The following ZNF710 variants were observed in gnomAD, a reference collection of about 807,000 sequenced individuals.
ZNF710 encodes the protein zinc finger protein 710.
Under a neutral mutation model 50.6 loss-of-function variants are expected in ZNF710, and 13 were observed. The ratio of observed to expected loss-of-function variants is 0.26; its 90% CI spans 0.17 to 0.41. The LOEUF (loss-of-function observed/expected upper bound fraction) is 0.41, where lower values mean the gene tolerates loss of function less well. Among genes scored for constraint, ZNF710 ranks in the 10% least tolerant of loss-of-function variants. ZNF710 has a pLI of 1.00. For missense variants in ZNF710, 721 were observed against 936.6 expected, an observed-to-expected ratio of 0.77 and a Z score of 3.01; for synonymous variants, 383 against 397.0, an observed-to-expected ratio of 0.96 and a Z score of 0.42.
chr15:90,079,635 G>T (rs756228334), intron 4 of ZNF710, 25 bp from the exon 5 acceptor site: 1 of 1,606,248 alleles, frequency 6.2e-7, no homozygotes, highest in Non-Finnish European at 8.5e-7. Flanking sequence ...TGGCAGCCAG[G>T]TCTGACTGTG....
At chr15:90,035,846 T>A (rs1259144762) in intron 1 of ZNF710, among the ~76,000 whole-genome samples, 3 of 152,100 alleles carry the variant, frequency 2.0e-5, no homozygotes, top group Non-Finnish European at 2.9e-5. Flanking sequence ...TGTTTAAAAG[T>A]CAGTAAAATT....
In ZNF710 at chr15:90,067,364, TGGAGGAGCCGGC is replaced by T. The variant is rs748074452; in HGVS notation, c.235_246del (p.Pro79_Glu82del). ...CAGCTGGCCTGCAACGGGAGGGCCT[TGGAGGAGCCGGC>T]GGAGGAGGAGGTGCTGGAGGTGGAG... On this transcript the variant is annotated inframe_deletion, in exon 2 of 5. Transcript: ENST00000268154. This position sits in a 1 kb window ranked among gnomAD's most constrained non-coding sequence, Gnocchi z 8.1. 6.9e-6 allele frequency: 11 copies of T among 1,598,348 alleles called. No individual in the cohort carries two copies. In the South Asian group the frequency reaches 1.1e-4, roughly 16 times the overall value.
chr15:89,998,583 C>G (rs1483522128), upstream of ZNF710, among the ~76,000 whole-genome samples: 2 of 152,198 alleles, frequency 1.3e-5, no homozygotes, highest in Non-Finnish European at 2.9e-5. Context: ...GGTTTCAACC[C>G]TGAACGTAAT....
chr15:90,015,730 G>C (rs1006555544), intron 1 of ZNF710, among the ~76,000 whole-genome samples: 3 of 151,884 alleles, frequency 2.0e-5, no homozygotes, highest in African/African-American at 7.3e-5. Context: ...CAAGTATCTG[G>C]GAACACAGGC....
At chr15:90,036,534 A>C (rs1252094294) in intron 1 of ZNF710, among the ~76,000 whole-genome samples, 7 of 151,402 alleles carry the variant, frequency 4.6e-5, no homozygotes. Flanking sequence ...AGCATTCATC[A>C]CTCACCACCT....
rs529117806 is a variant in ZNF710, at chr15:90,057,568, G to A, written c.-28-9542G>A. 7.9e-4 allele frequency among the ~76,000 whole-genome samples: 120 copies of A among 152,006 alleles called. 1 individual carries two copies. The highest frequency in any genetic ancestry group is 2.6e-3 in the African/African-American group (106 of 41,450). On this transcript the variant is annotated intron_variant, in intron 1 of 4. Coordinates refer to ENST00000268154, the MANE Select transcript of ZNF710 (RefSeq NM_198526.4). ...AAAAATGAGCCAGGCGTGGTGGCGC[G>A]CTCCTGTAGTCCCAGCTACTCGGGT...
chr15:90,021,864 T>A (rs1898633141), intron 1 of ZNF710, among the ~76,000 whole-genome samples: 3 of 152,042 alleles, frequency 2.0e-5, no homozygotes, highest in Admixed American at 1.3e-4. Flanking sequence ...GGCAGGCGGA[T>A]CACCTGAGGT....
At chr15:90,001,997 G>GAGAGAGAGAGAGAGAGAGAGA (rs1898025235) in intron 1 of ZNF710, among the ~76,000 whole-genome samples, 1 of 145,868 alleles carries the variant, frequency 6.9e-6, no homozygotes, top group African/African-American at 2.6e-5. Context: ...GAGAGAGAGA[G>GAGAGAGAGAGAGAGAGAGAGA]GCAAAAATGA....
At chr15:90,044,270 T>C (rs1899390358) in intron 1 of ZNF710, among the ~76,000 whole-genome samples, 1 of 152,218 alleles carries the variant, frequency 6.6e-6, no homozygotes, top group Non-Finnish European at 1.5e-5. Flanking sequence ...CTTGGCATCC[T>C]TCCCTTCTGC....
intron 1 of ZNF710, among the ~76,000 whole-genome samples, chr15:90,053,348 C>CTTTTTTT (rs111542346): frequency 6.9e-6 from 1 of 144,664 alleles, no homozygotes; most frequent in African/African-American, 2.6e-5. Context: ...CAGTGAATTC[C>CTTTTTTT]TTTTTTTTTT....
chr15:90,074,316 G>C, intron 4 of ZNF710, 26 bp downstream of exon 4: 1 of 1,609,250 alleles, frequency 6.2e-7, no homozygotes, highest in Non-Finnish European at 8.5e-7. Context: ...GCAATGGACA[G>C]AGCAGGAATG....
At chr15:90,030,098 G>C (rs1898888159) in intron 1 of ZNF710, among the ~76,000 whole-genome samples, 1 of 151,398 alleles carries the variant, frequency 6.6e-6, no homozygotes, top group African/African-American at 2.4e-5. Context: ...GGGAGGCTGA[G>C]GCGGATGGAT....
intron 1 of ZNF710, among the ~76,000 whole-genome samples, chr15:90,002,329 C>A (rs1898033886): frequency 7.4e-6 from 1 of 134,386 alleles, no homozygotes; most frequent in South Asian, 2.6e-4. Flanking sequence ...GCCGGGACAG[C>A]GTCGGGGCGC....
intron 1 of ZNF710, among the ~76,000 whole-genome samples, chr15:90,016,675 A>G (rs1264746925): frequency 1.3e-5 from 2 of 151,954 alleles, no homozygotes; most frequent in East Asian, 1.9e-4. Context: ...TGATTCTTCC[A>G]CCTTGGCTTC....
chr15:90,038,740 T>TGTGTGTGTGTGAGA (rs150950322), intron 1 of ZNF710, among the ~76,000 whole-genome samples: 68 of 148,642 alleles, frequency 4.6e-4, no homozygotes, highest in African/African-American at 1.4e-3. Context: ...TGTGTGTGTG[T>TGTGTGTGTGTGAGA]GAGACATTGG....
chr15:90,029,362 C>A (rs774676646), intron 1 of ZNF710, among the ~76,000 whole-genome samples: 1 of 152,136 alleles, frequency 6.6e-6, no homozygotes, highest in Non-Finnish European at 1.5e-5. Flanking sequence ...GGTGTAGGGG[C>A]CCTTCTGGCC....
At chr15:90,077,795 C>T (rs1386742301) in intron 4 of ZNF710, among the ~76,000 whole-genome samples, 1 of 152,122 alleles carries the variant, frequency 6.6e-6, no homozygotes, top group Non-Finnish European at 1.5e-5. Flanking sequence ...GCACACCTAT[C>T]GTCCCAGCTA....
intron 1 of ZNF710, among the ~76,000 whole-genome samples, chr15:90,024,337 C>T (rs2174694): frequency 0.51 from 78,063 of 151,934 alleles, 20,825 homozygotes; most frequent in Non-Finnish European, 0.58. Flanking sequence ...GTGTCTTCCT[C>T]CCTCTGACTC....
rs1446949095 is a variant in ZNF710 at position 90,068,877 on chromosome 15, G to C, written c.1458+282G>C. ...GGAGGCCAAGGCAGGCAGATTGCTT[G>C]AGTCCTGGGGTTTGAGACCAGCCTG... On this transcript the variant is annotated intron_variant, in intron 2 of 4. Coordinates refer to ENST00000268154, the MANE Select transcript of ZNF710 (RefSeq NM_198526.4). The surrounding 1 kb of genome is among the most constrained non-coding windows in gnomAD (Gnocchi z 5.0). Among the ~76,000 whole-genome samples, 1 of 151,996 alleles carries C rather than the reference G, an allele frequency of 6.6e-6. No homozygotes were observed. The highest frequency in any genetic ancestry group is 1.5e-5 in the Non-Finnish European group (1 of 67,986).
Sources: allele counts gnomAD v4.1 joint callset (sites outside exome capture counted in the v4.1 genomes callset), GRCh38; gene constraint gnomAD v4.1.1; non-coding constraint Gnocchi (gnomAD v3.1); transcripts MANE v1.5; gene names NCBI Gene and HGNC (gene_info 2026-07-23, HGNC 2026-07-21).